Variants in PTPRD observed in about 807,000 individuals in gnomAD.
The protein encoded by PTPRD is protein tyrosine phosphatase receptor type D.
PTPRD carries 34 observed loss-of-function variants against 214.5 expected under a neutral mutation model. The ratio of observed to expected loss-of-function variants is 0.16; its 90% CI spans 0.12 to 0.21. The LOEUF (loss-of-function observed/expected upper bound fraction) is 0.21. Ranked by LOEUF, PTPRD falls within the 10% of genes least tolerant of loss-of-function variation. The pLI is 1.00. For synonymous variants in PTPRD, 1,128 were observed against 845.7 expected (o/e 1.33, Z -5.79); for missense variants, 2,545 against 2,398.7 (o/e 1.06, Z -1.27).
intron 2 of PTPRD, among the ~76,000 whole-genome samples, chr9:10,482,245 C>CAG: frequency 6.6e-6 from 1 of 151,952 alleles, no homozygotes; most frequent in East Asian, 2.0e-4. Context: ...GTGGCGGGTG[C>CAG]CTGTAGTCCC....
At chr9:9,239,694 T>G (rs1416677973) in intron 9 of PTPRD, among the ~76,000 whole-genome samples, 1 of 152,186 alleles carries the variant, frequency 6.6e-6, no homozygotes, top group Non-Finnish European at 1.5e-5. Context: ...TGAAGACATT[T>G]GTGTATCTAT....
chr9:8,970,014 A>G (rs2099227222), intron 11 of PTPRD, among the ~76,000 whole-genome samples: 2 of 151,880 alleles, frequency 1.3e-5, no homozygotes, highest in African/African-American at 4.8e-5. Flanking sequence ...AAACCACTAG[A>G]TGAGTGTTTG....
At chr9:8,934,468 TATATATATAA>T (rs1567099490) in intron 11 of PTPRD, among the ~76,000 whole-genome samples, 259 of 18,388 alleles carry the variant, frequency 0.014, 12 homozygotes, top group Non-Finnish European at 0.023. Flanking sequence ...TATATAAATA[TATATATATAA>T]ATATATATAT....
At chr9:9,500,647 G>C (rs1361338518) in intron 8 of PTPRD, among the ~76,000 whole-genome samples, 1 of 152,044 alleles carries the variant, frequency 6.6e-6, no homozygotes, top group Non-Finnish European at 1.5e-5. Flanking sequence ...AGTTCATTAA[G>C]CAGAATAAAA....
intron 10 of PTPRD, among the ~76,000 whole-genome samples, chr9:9,117,296 G>A (rs955715171): frequency 2.7e-5 from 4 of 149,504 alleles, no homozygotes; most frequent in African/African-American, 5.0e-5. Context: ...CAAAAGCACT[G>A]TTAGATTTGT....
intron 11 of PTPRD, among the ~76,000 whole-genome samples, chr9:8,818,966 A>G (rs116089804): frequency 0.015 from 2,234 of 152,300 alleles, 38 homozygotes; most frequent in African/African-American, 0.051. Context: ...ACGACATAGC[A>G]CTCTAGTCCA....
At chr9:8,845,715 G>C (rs931057336) in intron 11 of PTPRD, among the ~76,000 whole-genome samples, 37 of 152,202 alleles carry the variant, frequency 2.4e-4, no homozygotes, top group African/African-American at 8.4e-4. Context: ...CCATGTGTGA[G>C]ACATACGTCA....
At chr9:10,103,870 C>A (rs76610057) in intron 3 of PTPRD, among the ~76,000 whole-genome samples, 503 of 151,662 alleles carry the variant, frequency 3.3e-3, no homozygotes, top group South Asian at 9.3e-3. Context: ...GTTGACAGCA[C>A]CATTCTTCAC....
chr9:10,109,959 T>C (rs2098675554), intron 3 of PTPRD, among the ~76,000 whole-genome samples: 1 of 150,288 alleles, frequency 6.7e-6, no homozygotes, highest in Non-Finnish European at 1.5e-5. Flanking sequence ...CAATGTTTTA[T>C]GCCAAAAAGA....
chr9:9,821,866 A>C (rs1160658838), intron 5 of PTPRD, among the ~76,000 whole-genome samples: 2 of 150,988 alleles, frequency 1.3e-5, no homozygotes, highest in African/African-American at 4.8e-5. Context: ...ATGCATGTGC[A>C]TGCCTGTATA....
intron 10 of PTPRD, among the ~76,000 whole-genome samples, chr9:9,125,135 T>C (rs1254134342): frequency 6.6e-6 from 1 of 152,168 alleles, no homozygotes; most frequent in Non-Finnish European, 1.5e-5. Flanking sequence ...TAAATTTATC[T>C]GAGCCTGGAT....
At chr9:9,627,175 T>G (rs2095448451) in intron 7 of PTPRD, among the ~76,000 whole-genome samples, 1 of 151,948 alleles carries the variant, frequency 6.6e-6, no homozygotes, top group South Asian at 2.1e-4. Flanking sequence ...ATTAGCCAGG[T>G]GTACATCTGT....
At chr9:10,110,434 G>A (rs558926261) in intron 3 of PTPRD, among the ~76,000 whole-genome samples, 2 of 152,296 alleles carry the variant, frequency 1.3e-5, no homozygotes, top group Non-Finnish European at 2.9e-5. Flanking sequence ...ACTCTAAAGG[G>A]ATGAGCTCTC....
intron 2 of PTPRD, among the ~76,000 whole-genome samples, chr9:10,486,517 T>C (rs2099133926): frequency 6.6e-6 from 1 of 152,178 alleles, no homozygotes; most frequent in Admixed American, 6.5e-5. Flanking sequence ...TTCTGAGGTC[T>C]CTGTTCTGCT....
intron 12 of PTPRD, among the ~76,000 whole-genome samples, chr9:8,705,350 G>A (rs1253199244): frequency 6.6e-6 from 1 of 152,168 alleles, no homozygotes; most frequent in Non-Finnish European, 1.5e-5. Flanking sequence ...CTCCCGAGTA[G>A]CTGGGATTAC....
intron 5 of PTPRD, among the ~76,000 whole-genome samples, chr9:9,875,802 C>A (rs1160689417): frequency 6.6e-6 from 1 of 151,992 alleles, no homozygotes. Flanking sequence ...ACCAGTTAAT[C>A]TTAGTAAAAT....
chr9:9,977,400 G>A (rs6477438), intron 4 of PTPRD, among the ~76,000 whole-genome samples: 116,087 of 152,092 alleles, frequency 0.76, 44,884 homozygotes, highest in Middle Eastern at 0.89. Flanking sequence ...TCTGAAGGAG[G>A]AGAGCCTAGA....
chr9:8,921,315 C>T (rs1020933844), intron 11 of PTPRD, among the ~76,000 whole-genome samples: 3 of 152,104 alleles, frequency 2.0e-5, no homozygotes, highest in Admixed American at 2.0e-4. Context: ...TGCTCTCACT[C>T]CTCTCTCACA....
chr9:10,591,544 T>C (rs2075444100), intron 2 of PTPRD, among the ~76,000 whole-genome samples: 1 of 152,004 alleles, frequency 6.6e-6, no homozygotes, highest in Non-Finnish European at 1.5e-5. Context: ...CTCCCATTAA[T>C]GTACATTTCT....
Sources: gnomAD v4.1 joint callset for allele counts (sites outside exome capture counted in the v4.1 genomes callset) on GRCh38, gnomAD v4.1.1 for gene constraint, MANE v1.5 for transcripts, NCBI Gene and HGNC (gene_info 2026-07-23, HGNC 2026-07-21) for gene names.